The following COL6A5 variants were observed in gnomAD, a reference collection of about 807,000 sequenced individuals.
COL6A5 encodes the protein collagen alpha-5(VI) chain.
In COL6A5, 48 loss-of-function variants were observed where a neutral mutation model predicts 65.6. The ratio of observed to expected loss-of-function variants is 0.73; its 90% CI spans 0.58 to 0.93. The LOEUF (loss-of-function observed/expected upper bound fraction) is 0.93, where lower values mean the gene tolerates loss of function less well. COL6A5 is among the 40% of genes least tolerant of loss of function. COL6A5 has a pLI of 0.00. For missense variants in COL6A5, 914 were observed against 928.3 expected (o/e 0.98, Z 0.20); for synonymous variants, 291 against 322.8 (o/e 0.90, Z 1.05).
chr3:130,430,795 C>G (rs1297141013), upstream of COL6A5, among the ~76,000 whole-genome samples: 2 of 152,158 alleles, frequency 1.3e-5, no homozygotes, highest in Non-Finnish European at 2.9e-5. Context: ...CCTCTGAATC[C>G]TCATTAAGAA....
chr3:130,446,559 A>C (rs141071057), intron 4 of COL6A5, among the ~76,000 whole-genome samples: 1 of 152,296 alleles, frequency 6.6e-6, no homozygotes, highest in East Asian at 1.9e-4. Flanking sequence ...CTCCATTGCC[A>C]TCAGGGAGGA....
exon 9 of COL6A5, chr3:130,397,795 C>G: frequency 6.4e-7 from 1 of 1,551,654 alleles, no homozygotes; most frequent in Non-Finnish European, 8.7e-7. Context: ...TGCCAAGTTC[C>G]AAATCTATCA....
rs1324410648 is a variant in COL6A5, at chr3:130,384,807, G to A, written c.1304G>A (p.Cys435Tyr). 5.2e-6 allele frequency: 8 copies of A among 1,538,886 alleles called. No homozygotes were observed. Among genetic ancestry groups the A allele is most frequent in the Middle Eastern group, 1.7e-4 (1 of 5,936 alleles). The change falls in exon 5 of 42, where the codon TGT becomes TAT. Residue 435 changes from cysteine to tyrosine, a missense_variant and NMD_transcript_variant. By Grantham distance (194) the Cys-to-Tyr change is radical. Coordinates refer to the COL6A5 transcript ENST00000312481. ...AGAGAATGCACTTCTTTTTCAGGCTGTGTGGATACAAAAGAGGCTGATATC... is the reference window on the plus strand; with the variant it reads ...AGAGAATGCACTTCTTTTTCAGGCTATGTGGATACAAAAGAGGCTGATATC...
exon 14 of COL6A5, chr3:130,405,609 C>A (rs750443832): frequency 1.3e-6 from 2 of 1,550,792 alleles, no homozygotes; most frequent in South Asian, 1.2e-5. Flanking sequence ...AGACACAGGA[C>A]CCCAAGGAGA....
At chr3:130,388,702 G>A in exon 6 of COL6A5, 1 of 1,551,270 alleles carries the variant, frequency 6.4e-7, no homozygotes, top group Non-Finnish European at 8.7e-7. Context: ...TCAAATTGGT[G>A]CAGACAAAAC....
chr3:130,445,381 A>AAATGAC, intron 4 of COL6A5, among the ~76,000 whole-genome samples: 1 of 152,334 alleles, frequency 6.6e-6, no homozygotes, highest in South Asian at 2.1e-4. Flanking sequence ...ACAAGTGTTT[A>AAATGAC]AATGACAATT....
rs566799745 is a variant in COL6A5 at position 130,376,383 on chromosome 3, G to A, written c.214G>A (p.Ala72Thr). Residue 72 changes from alanine to threonine, a missense_variant and NMD_transcript_variant, in exon 3 of 42, where the codon GCC (alanine) becomes ACC (threonine). Transcript: ENST00000312481. The stretch of plus-strand genomic sequence containing the variant: ...GGCCAACAAATACCGTGTAGCCCTG[G>A]CCCAGTACAGCGACGAGTTTCACAG... 15 of 1,613,614 alleles carry A rather than the reference G, an allele frequency of 9.3e-6. No individual in the cohort carries two copies. In the South Asian group the frequency reaches 1.6e-4, roughly 18 times the overall value.
rs994203465 is a variant in COL6A5 at position 130,394,947 on chromosome 3, C to T, written c.3050C>T (p.Ser1017Phe). 5 of 1,551,472 alleles carry T rather than the reference C, an allele frequency of 3.2e-6. No individual in the cohort carries two copies. The African/African-American group carries it at 6.8e-5, about 21-fold the overall frequency. Residue 1017 changes from serine (S) to phenylalanine (F), a missense_variant and NMD_transcript_variant, in exon 8 of 42, where the codon TCT (serine) becomes TTT (phenylalanine). By Grantham distance (155) the Ser-to-Phe change is radical. Transcript: ENST00000312481. The stretch of plus-strand genomic sequence containing the variant: ...CTTTGCGATGGCTCTGACAGGGTAT[C>T]TAATTCAGATTTTGTAACCATGACA...
chr3:130,390,191 T>A (rs926363097), intron 6 of COL6A5, among the ~76,000 whole-genome samples: 3 of 152,160 alleles, frequency 2.0e-5, no homozygotes, highest in Admixed American at 6.5e-5. Flanking sequence ...TCTTGGCATT[T>A]CTTCATTTTG....
At chr3:130,484,395 T>G (rs1376133394) in exon 8 of COL6A5, 2 of 408,712 alleles carry the variant, frequency 4.9e-6, no homozygotes, top group East Asian at 7.0e-5. Context: ...TGTCATTATT[T>G]TCAACACATC....
chr3:130,396,560 T>C (rs990447144), intron 8 of COL6A5, among the ~76,000 whole-genome samples: 5 of 152,368 alleles, frequency 3.3e-5, no homozygotes, highest in Middle Eastern at 3.4e-3. Flanking sequence ...CCAGCGTTGA[T>C]GAGTTGCTAA....
chr3:130,468,748 A>C, intron 5 of COL6A5, 47 bp from the exon 38 acceptor site: 1 of 1,396,846 alleles, frequency 7.2e-7, no homozygotes, highest in Non-Finnish European at 9.9e-7. Context: ...AGGAGCTCCA[A>C]GCTTATCTTT....
exon 6 of COL6A5, chr3:130,469,002 G>A: frequency 6.2e-7 from 1 of 1,612,810 alleles, no homozygotes; most frequent in South Asian, 1.1e-5. Flanking sequence ...TCCACCTTAG[G>A]AGACAGGGTT....
At chr3:130,361,485 G>C (rs1183728811) in intron 1 of COL6A5, among the ~76,000 whole-genome samples, 1 of 152,002 alleles carries the variant, frequency 6.6e-6, no homozygotes, top group East Asian at 1.9e-4. Flanking sequence ...CCAGCTAAAA[G>C]GCATATTGTT....
chr3:130,405,398 T>G (rs1936951058), intron 13 of COL6A5, among the ~76,000 whole-genome samples, 190 bp from the exon 14 acceptor site: 1 of 152,144 alleles, frequency 6.6e-6, no homozygotes, highest in Non-Finnish European at 1.5e-5. Context: ...ACAGGAAACA[T>G]GTTTGAATAC....
chr3:130,451,934 AT>A lies in COL6A5; in HGVS notation c.1333-3520del, dbSNP rs200612482. 2.3e-3 allele frequency among the ~76,000 whole-genome samples: 349 copies of A among 152,250 alleles called. 3 individuals are homozygous for A. The highest frequency in any genetic ancestry group is 8.1e-3 in the African/African-American group (338 of 41,558). On this transcript the variant is annotated intron_variant, in intron 4 of 7. Coordinates refer to ENST00000512836, the Ensembl canonical transcript of COL6A5. ...AGTCACCCCAAACAGTGACGGGAATATAATTCCCTGTGGAGACCAGTTCCTT... is the reference window on the plus strand; with the variant it reads ...AGTCACCCCAAACAGTGACGGGAATAAATTCCCTGTGGAGACCAGTTCCTT...
intron 7 of COL6A5, among the ~76,000 whole-genome samples, chr3:130,481,990 T>C (rs1157237391): frequency 6.6e-6 from 1 of 152,230 alleles, no homozygotes; most frequent in Non-Finnish European, 1.5e-5. Flanking sequence ...TCCCATTCTG[T>C]AGGTTGCCTG....
At chr3:130,431,415 G>C (rs1471823602), upstream of COL6A5, 2 of 1,542,402 alleles carry the variant, frequency 1.3e-6, no homozygotes, top group Non-Finnish European at 1.7e-6. Context: ...TTGGGGAAAG[G>C]ATTTTGATCC....
At chr3:130,479,157 G>C (rs1427753513) in intron 7 of COL6A5, among the ~76,000 whole-genome samples, 1 of 151,930 alleles carries the variant, frequency 6.6e-6, no homozygotes, top group African/African-American at 2.4e-5. Flanking sequence ...TTATGAATGG[G>C]ATCAGTGTCC....
Sources: gnomAD v4.1 joint callset for allele counts (sites outside exome capture counted in the v4.1 genomes callset) on GRCh38, gnomAD v4.1.1 for gene constraint, MANE v1.5 for transcripts, NCBI Gene and HGNC (gene_info 2026-07-23, HGNC 2026-07-21) for gene names.